Variants in COL14A1 observed in about 807,000 individuals in gnomAD.
COL14A1 encodes the protein collagen type XIV alpha 1 chain, also known as collagen alpha-1(XIV) chain.
Under a neutral mutation model 230.3 loss-of-function variants are expected in COL14A1, and 136 were observed. The ratio of observed to expected loss-of-function variants is 0.59; its 90% CI spans 0.51 to 0.68. COL14A1 has a LOEUF of 0.68. Ranked by LOEUF, COL14A1 falls within the 30% of genes least tolerant of loss-of-function variation. COL14A1 has a pLI of 0.00. For synonymous variants in COL14A1, 792 were observed against 784.1 expected (o/e 1.01, Z -0.17); for missense variants, 1,976 against 2,215.8 (o/e 0.89, Z 2.17).
intron 18 of COL14A1, among the ~76,000 whole-genome samples, chr8:120,230,025 CAT>C (rs1485110804): frequency 6.6e-6 from 1 of 152,128 alleles, no homozygotes; most frequent in Non-Finnish European, 1.5e-5. Flanking sequence ...GGACTACAGA[CAT>C]GTGTCATCGT....
intron 18 of COL14A1, among the ~76,000 whole-genome samples, chr8:120,230,120 G>C (rs1362295812): frequency 1.3e-5 from 2 of 152,120 alleles, no homozygotes; most frequent in Admixed American, 1.3e-4. Context: ...GAGCTCAAAT[G>C]TTCCTTCATC....
At chr8:120,320,203 T>G (rs1821389338) in intron 40 of COL14A1, among the ~76,000 whole-genome samples, 1 of 152,220 alleles carries the variant, frequency 6.6e-6, no homozygotes, top group Admixed American at 6.5e-5. Flanking sequence ...TCATGGAGAT[T>G]AATTCATATA....
chr8:120,166,282 G>A (rs945708238), intron 4 of COL14A1, among the ~76,000 whole-genome samples: 2 of 152,190 alleles, frequency 1.3e-5, no homozygotes, highest in African/African-American at 4.8e-5. Context: ...AGGGTATGTT[G>A]TAGGACTGGA....
intron 38 of COL14A1, among the ~76,000 whole-genome samples, chr8:120,314,433 T>A (rs144414647): frequency 1.5e-3 from 236 of 152,338 alleles, no homozygotes; most frequent in Non-Finnish European, 3.0e-3. Context: ...TTATTCATGA[T>A]CCTTATCTCA....
chr8:120,255,787 T>A (rs983337635), intron 23 of COL14A1, among the ~76,000 whole-genome samples: 2 of 151,950 alleles, frequency 1.3e-5, no homozygotes, highest in African/African-American at 4.8e-5. Flanking sequence ...CTTAGTGTTT[T>A]TTTTTTTCTT....
At chr8:120,244,094 T>G in intron 20 of COL14A1, 86 bp downstream of exon 20, 1 of 1,444,218 alleles carries the variant, frequency 6.9e-7, no homozygotes. Flanking sequence ...AAAGATACAG[T>G]AGATTGCAGT....
In COL14A1 at chr8:120,371,166, C is replaced by G. The variant is rs757806345; in HGVS notation, c.5326C>G (p.Gln1776Glu). The change falls in exon 48 of 48, where the codon CAG (glutamine) becomes GAG (glutamate). Residue 1776 changes from glutamine to glutamate, a missense_variant. Gln to Glu is a conservative substitution (Grantham distance 29). Transcript: ENST00000297848. ...AYGVRAPHPD[Q>E]PEFTPVQDEL... ...TTCCTCTTTAGCTCCCCATCCAGAT[C>G]AGCCAGAGTTCACCCCTGTCCAAGA... The G allele has an allele frequency of 6.2e-7, 1 of 1,610,320 alleles. No individual in the cohort carries two copies. Among genetic ancestry groups the G allele is most frequent in the East Asian group, 2.2e-5 (1 of 44,658 alleles).
intron 23 of COL14A1, among the ~76,000 whole-genome samples, chr8:120,259,293 A>G (rs953634555): frequency 2.0e-5 from 3 of 152,200 alleles, no homozygotes; most frequent in Non-Finnish European, 4.4e-5. Flanking sequence ...ACATTTTGAT[A>G]AGTCAAGCTG....
chr8:120,129,491 C>G (rs78698839), intron 1 of COL14A1, among the ~76,000 whole-genome samples: 3,617 of 152,284 alleles, frequency 0.024, 58 homozygotes, highest in African/African-American at 0.036. Context: ...TGGAATGGCT[C>G]TACCTTCTGT....
rs560109579 is a variant in COL14A1, at chr8:120,314,027, C to A, written c.4551C>A (p.Pro1517=). ...GPSGLSIQGM[P]GMPGEKGEKG... ...GTGGTCTGTCCATTCAAGGAATGCCCGTGAGTTGTGTTCAAACATTCAGAC... is the reference window on the plus strand; with the variant it reads ...GTGGTCTGTCCATTCAAGGAATGCCAGTGAGTTGTGTTCAAACATTCAGAC... The change falls in exon 38 of 48, where the codon CCC becomes CCA. Residue 1517 remains proline (P), a splice_region_variant and synonymous_variant. Transcript: ENST00000297848. 20 of 1,601,274 alleles carry A rather than the reference C, an allele frequency of 1.2e-5. No homozygotes were observed. The Admixed American group carries it at 1.5e-4, about 12-fold the overall frequency.
At chr8:120,223,635 A>C (rs1818001327) in intron 14 of COL14A1, among the ~76,000 whole-genome samples, 1 of 152,130 alleles carries the variant, frequency 6.6e-6, no homozygotes, top group Non-Finnish European at 1.5e-5. Flanking sequence ...GTGGCACTGC[A>C]CTCCAACCTG....
chr8:120,335,336 C>T (rs1013623020), intron 42 of COL14A1, among the ~76,000 whole-genome samples: 2 of 152,140 alleles, frequency 1.3e-5, no homozygotes, highest in African/African-American at 4.8e-5. Context: ...CAGAAAGGGG[C>T]CCTTGAAAGC....
At chr8:120,167,804 C>A (rs1372885604) in intron 4 of COL14A1, among the ~76,000 whole-genome samples, 1 of 152,160 alleles carries the variant, frequency 6.6e-6, no homozygotes, top group Non-Finnish European at 1.5e-5. Flanking sequence ...CCCATGCCAG[C>A]ACTTAACTGG....
At position 120,233,467 on chromosome 8, in the gene COL14A1, C is replaced by CTT. The variant is rs35717441; in HGVS notation, c.2349+1855_2349+1856dup. ...ACATGCGGTGTTTGGTTGCCTGTTT[C>CTT]TTTTTTTGTCTAAGATTCATTTTTG... On this transcript the variant is annotated intron_variant, in intron 19 of 47. Coordinates refer to ENST00000297848, the MANE Select transcript of COL14A1 (RefSeq NM_021110.4). Among the ~76,000 whole-genome samples, 60 of 152,000 alleles carry CTT rather than the reference C, an allele frequency of 3.9e-4. No individual in the cohort carries two copies. In the East Asian group the frequency reaches 8.3e-3, roughly 21 times the overall value.
At chr8:120,288,465 T>C (rs898975650) in intron 33 of COL14A1, among the ~76,000 whole-genome samples, 1 of 152,140 alleles carries the variant, frequency 6.6e-6, no homozygotes, top group Non-Finnish European at 1.5e-5. Context: ...AGTAACACTA[T>C]CTTAATGTGA....
At position 120,162,534 on chromosome 8, in the gene COL14A1, A is replaced by G; in HGVS notation, c.314A>G (p.Asp105Gly). ...GTTCAAATTATTGCATACAATAAAG[A>G]TAAAGAAAGCAAGCCAGCTCAAGGC... ...YTVQIIAYNK[D>G]KESKPAQGQF... is the part of the protein sequence containing the mutation. Residue 105 changes from aspartate to glycine, a missense_variant, in exon 4 of 48, where the codon GAT becomes GGT. Asp to Gly is a moderately conservative substitution (Grantham distance 94). Transcript: ENST00000297848. The G allele has an allele frequency of 6.2e-7, 1 of 1,609,242 alleles. No individual in the cohort carries two copies. Among genetic ancestry groups the G allele is most frequent in the South Asian group, 1.1e-5 (1 of 89,568 alleles).
intron 26 of COL14A1, among the ~76,000 whole-genome samples, chr8:120,271,804 A>G (rs1401737774): frequency 6.6e-6 from 1 of 151,620 alleles, no homozygotes. Flanking sequence ...GAGTATTATC[A>G]TAAATGCAAC....
intron 1 of COL14A1, among the ~76,000 whole-genome samples, chr8:120,137,642 A>G (rs2130415222): frequency 2.0e-5 from 3 of 152,160 alleles, no homozygotes; most frequent in Admixed American, 2.0e-4. Context: ...ATTTTCACAA[A>G]TTGTACCTTT....
chr8:120,149,211 G>A (rs558307433), intron 2 of COL14A1, among the ~76,000 whole-genome samples: 2 of 152,330 alleles, frequency 1.3e-5, no homozygotes, highest in East Asian at 3.9e-4. Context: ...GAATGCTAAT[G>A]TCTAATGTTT....
Sources: gnomAD v4.1 joint callset for allele counts (sites outside exome capture counted in the v4.1 genomes callset) on GRCh38, gnomAD v4.1.1 for gene constraint, MANE v1.5 for transcripts, NCBI Gene and HGNC (gene_info 2026-07-23, HGNC 2026-07-21) for gene names.